Variants in RAB8B observed in about 807,000 individuals in gnomAD.
RAB8B encodes RAB8B, member RAS oncogene family.
In RAB8B, 11 loss-of-function variants were observed where a neutral mutation model predicts 32.0. The observed-to-expected ratio is 0.34, with a 90% CI of 0.22 to 0.57. RAB8B has a LOEUF of 0.57. Among genes scored for constraint, RAB8B ranks in the 20% least tolerant of loss-of-function variants. RAB8B has a pLI of 0.86. For synonymous variants in RAB8B, 103 were observed against 89.6 expected (o/e 1.15, Z -0.85); for missense variants, 190 against 258.5 (o/e 0.73, Z 1.82).
chr15:63,249,534 T>C (rs2038097639), intron 2 of RAB8B, 111 bp from the exon 3 acceptor site: 29 of 967,222 alleles, frequency 3.0e-5, no homozygotes, highest in Middle Eastern at 4.3e-4. Flanking sequence ...TCCTTTCCTC[T>C]GTGACCACTG....
chr15:63,264,542 G>T lies in RAB8B; in HGVS notation c.*923G>T, dbSNP rs2038230298. On this transcript the variant is annotated 3_prime_UTR_variant, in exon 8 of 8. Coordinates refer to ENST00000321437, the MANE Select transcript of RAB8B (RefSeq NM_016530.3). ...GGATATGTAATATATTTTTTCTTAG[G>T]TTCACTCCTTAGCTGGCTGGTTTAG... The T allele has an allele frequency of 6.6e-6, 1 of 152,056 alleles. No homozygotes were observed. Among genetic ancestry groups the T allele is most frequent in the Non-Finnish European group, 1.5e-5 (1 of 67,998 alleles). 9.4% of individuals were successfully genotyped at this position (152,056 alleles called of 1,614,324 possible). A position where few individuals can be genotyped will look rare whatever the true frequency, so the allele number is the denominator to read the frequency against.
rs1411447644 is a variant in RAB8B, at chr15:63,267,270, CA to C, written c.*3654del. 6.6e-6 allele frequency: 1 copy of C among 152,542 alleles called. No individual in the cohort carries two copies. The highest frequency in any genetic ancestry group is 1.5e-5 in the Non-Finnish European group (1 of 68,026). 9.4% of individuals were successfully genotyped at this position (152,542 alleles called of 1,614,324 possible). ...TGAAATGTACAGAAATAAAAATTAG[CA>C]AACAATTATTCTAGGGATATTTTCA... is the stretch of plus-strand genomic sequence containing the variant. On this transcript the variant is annotated 3_prime_UTR_variant, in exon 8 of 8. Transcript: ENST00000321437.
In RAB8B at chr15:63,220,952, G is replaced by T. The variant is rs561834768; in HGVS notation, c.125-23804G>T. Reference sequence around the variant, plus strand: ...GTAATTGGGAAGGTAAAACTTAAATGAAACAACAAAAATAATTAATTGCCA... The same window carrying T: ...GTAATTGGGAAGGTAAAACTTAAATTAAACAACAAAAATAATTAATTGCCA... On this transcript the variant is annotated intron_variant, in intron 1 of 7. Transcript: ENST00000321437. Among the ~76,000 whole-genome samples the T allele has an allele frequency of 3.3e-5, 5 of 152,308 alleles. No individual in the cohort carries two copies. The East Asian group carries it at 9.6e-4, about 29-fold the overall frequency.
At chr15:63,211,018 C>G (rs1302353173) in intron 1 of RAB8B, among the ~76,000 whole-genome samples, 1 of 152,112 alleles carries the variant, frequency 6.6e-6, no homozygotes, top group Non-Finnish European at 1.5e-5. Context: ...CAAAAGATAC[C>G]ACTACACAAG....
chr15:63,259,789 A>G lies in RAB8B; in HGVS notation c.480+97A>G, dbSNP rs1465579258. 7 of 1,090,704 alleles carry G rather than the reference A, an allele frequency of 6.4e-6. No individual in the cohort carries two copies. In the African/African-American group the frequency reaches 1.1e-4, roughly 18 times the overall value. 67.6% of individuals were successfully genotyped at this position (1,090,704 alleles called of 1,614,324 possible). ...CAGAGCTTTGGTATTTTCTGACCTA[A>G]TGAATGCCTTTTGTTGACCCAACTC... On this transcript the variant is annotated intron_variant, in intron 6 of 7. Transcript: ENST00000321437. The surrounding 1 kb of genome is among the most constrained non-coding windows in gnomAD (Gnocchi z 4.4).
chr15:63,202,202 C>G (rs981078804), intron 1 of RAB8B, among the ~76,000 whole-genome samples: 1 of 150,844 alleles, frequency 6.6e-6, no homozygotes, highest in Non-Finnish European at 1.5e-5. Context: ...GGCGTGAACC[C>G]GGGAGGCAGA....
intron 1 of RAB8B, among the ~76,000 whole-genome samples, chr15:63,212,175 C>T (rs759166276): frequency 3.9e-5 from 6 of 152,092 alleles, no homozygotes; most frequent in Non-Finnish European, 5.9e-5. Context: ...AGTCTTTCCT[C>T]CTGAATTGAT....
chr15:63,230,579 G>A (rs1595742816), intron 1 of RAB8B, among the ~76,000 whole-genome samples: 1 of 152,234 alleles, frequency 6.6e-6, no homozygotes, highest in Middle Eastern at 3.2e-3. Context: ...TGGGATTACA[G>A]GCGTGAGCCA....
At chr15:63,253,288 C>T (rs1439550082) in intron 3 of RAB8B, among the ~76,000 whole-genome samples, 1 of 151,914 alleles carries the variant, frequency 6.6e-6, no homozygotes, top group Admixed American at 6.6e-5. Flanking sequence ...ATTCTGTTAA[C>T]GTTTTATTTC....
Position 63,265,906 on chromosome 15 carries a change from A to G in RAB8B, c.*2287A>G, listed in dbSNP as rs1437771624. 7 of 152,612 alleles carry G rather than the reference A, an allele frequency of 4.6e-5. No individual in the cohort carries two copies. Among genetic ancestry groups the G allele is most frequent in the African/African-American group, 1.7e-4 (7 of 41,458 alleles). 9.5% of individuals were successfully genotyped at this position (152,612 alleles called of 1,614,324 possible). On this transcript the variant is annotated 3_prime_UTR_variant, in exon 8 of 8. Transcript: ENST00000321437. This position sits in a 1 kb window ranked among gnomAD's most constrained non-coding sequence, Gnocchi z 4.9. ...TGAAGTAGCAGCAAATTGGGAGTAT[A>G]TGCTCTGTTATATAGAAATAAATTG... is the stretch of plus-strand genomic sequence containing the variant.
In RAB8B at chr15:63,209,038, C is replaced by T. The variant is rs187248815; in HGVS notation, c.124+19290C>T. ...CCGAGTAGCTGGGATTATAGGTGCC[C>T]GCCACCACACACGGCTAATTTTTTG... On this transcript the variant is annotated intron_variant, in intron 1 of 7. Coordinates refer to ENST00000321437, the MANE Select transcript of RAB8B (RefSeq NM_016530.3). Among the ~76,000 whole-genome samples, 850 of 151,758 alleles carry T rather than the reference C, an allele frequency of 5.6e-3. 6 individuals are homozygous for T. Among genetic ancestry groups the T allele is most frequent in the African/African-American group, 0.018 (754 of 41,356 alleles).
intron 1 of RAB8B, among the ~76,000 whole-genome samples, chr15:63,209,284 A>G (rs944820320): frequency 2.0e-5 from 3 of 151,648 alleles, no homozygotes; most frequent in Admixed American, 2.0e-4. Flanking sequence ...AAATTTTAGG[A>G]TGATATTATG....
Position 63,248,936 on chromosome 15 carries a change from A to G in RAB8B, c.186-709A>G, listed in dbSNP as rs1348144341. Among the ~76,000 whole-genome samples the G allele has an allele frequency of 4.6e-5, 7 of 152,230 alleles. No individual in the cohort carries two copies. Among genetic ancestry groups the G allele is most frequent in the Admixed American group, 3.3e-4 (5 of 15,288 alleles). On this transcript the variant is annotated intron_variant, in intron 2 of 7. Transcript: ENST00000321437. This position sits in a 1 kb window ranked among gnomAD's most constrained non-coding sequence, Gnocchi z 4.4. ...GTATCAAGGAAATTTAACTTCCTTT[A>G]TAGGATTGCTTCTATAAATGAAATC...
intron 1 of RAB8B, among the ~76,000 whole-genome samples, chr15:63,221,331 G>C (rs2037842587): frequency 6.6e-6 from 1 of 152,160 alleles, no homozygotes; most frequent in African/African-American, 2.4e-5. Context: ...AGTCTACTTT[G>C]GGAGAAGGGA....
intron 1 of RAB8B, among the ~76,000 whole-genome samples, chr15:63,241,327 C>A (rs2038030266): frequency 6.6e-6 from 1 of 152,146 alleles, no homozygotes; most frequent in African/African-American, 2.4e-5. Context: ...CCAGCCTGCA[C>A]AACAGAAGGA....
intron 2 of RAB8B, among the ~76,000 whole-genome samples, chr15:63,247,172 G>A (rs1437491463): frequency 2.0e-5 from 3 of 152,204 alleles, no homozygotes; most frequent in Non-Finnish European, 4.4e-5. Context: ...ACATGGCCCA[G>A]AGAGAGATCA....
rs150701035 is a variant in RAB8B, at chr15:63,228,213, C to T, written c.125-16543C>T. Among the ~76,000 whole-genome samples the T allele has an allele frequency of 5.9e-5, 9 of 152,212 alleles. No individual in the cohort carries two copies. The East Asian group carries it at 1.7e-3, about 29-fold the overall frequency. The stretch of plus-strand genomic sequence containing the variant: ...TTTATTTTTTTGTAGAGTAGGGTCT[C>T]CTTTGTGGCCCAAGCTGGTCTCAAA... On this transcript the variant is annotated intron_variant, in intron 1 of 7. Transcript: ENST00000321437.
intron 1 of RAB8B, among the ~76,000 whole-genome samples, chr15:63,192,320 C>T (rs1595730550): frequency 6.6e-6 from 1 of 152,254 alleles, no homozygotes; most frequent in Non-Finnish European, 1.5e-5. Context: ...AGACTCTTCA[C>T]TGATTACAAG....
intron 1 of RAB8B, among the ~76,000 whole-genome samples, chr15:63,196,331 A>G (rs886296536): frequency 6.6e-6 from 1 of 152,326 alleles, no homozygotes; most frequent in African/African-American, 2.4e-5. Flanking sequence ...TATTGACATG[A>G]AAAAGCCTTA....
Sources: allele counts gnomAD v4.1 joint callset (sites outside exome capture counted in the v4.1 genomes callset), GRCh38; gene constraint gnomAD v4.1.1; non-coding constraint Gnocchi (gnomAD v3.1); transcripts MANE v1.5; gene names NCBI Gene and HGNC (gene_info 2026-07-23, HGNC 2026-07-21).